SCN9A: variants seen among roughly 807,000 people sequenced by gnomAD.
The protein encoded by SCN9A is sodium voltage-gated channel alpha subunit 9, also known as sodium channel protein type 9 subunit alpha.
Under a neutral mutation model 187.0 loss-of-function variants are expected in SCN9A, and 131 were observed. The ratio of observed to expected loss-of-function variants is 0.70; its 90% confidence interval spans 0.61 to 0.81. The LOEUF is 0.81. SCN9A is among the 30% of genes least tolerant of loss of function. SCN9A has a pLI of 0.00. For synonymous variants in SCN9A, 809 were observed against 808.6 expected, an observed-to-expected ratio of 1.00 and a Z score of -0.01; for missense variants, 2,252 against 2,396.6, an observed-to-expected ratio of 0.94 and a Z score of 1.26.
chr2:166,199,993 T>A lies in SCN9A; in HGVS notation c.4775-129A>T. 8.3e-6 allele frequency: 4 copies of A among 481,692 alleles called. No homozygotes were observed. The African/African-American group carries it at 1.4e-4, about 17-fold the overall frequency. 29.8% of individuals were successfully genotyped at this position (481,692 alleles called of 1,614,324 possible). A position where few individuals can be genotyped will look rare whatever the true frequency, so the allele number is the denominator to read the frequency against. On this transcript the variant is annotated intron_variant, in intron 26 of 26. Coordinates refer to ENST00000642356, the MANE Select transcript of SCN9A (RefSeq NM_001365536.1). The stretch of plus-strand genomic sequence containing the variant: ...CAAGACAGTTTTTTTTTTTTTTTTT[T>A]TTTTTTTTTTTTTTTTTTTTTTGAG...
chr2:166,209,035 A>G (rs1391887604), intron 24 of SCN9A, among the ~76,000 whole-genome samples: 1 of 152,204 alleles, frequency 6.6e-6, no homozygotes, highest in Non-Finnish European at 1.5e-5. Context: ...CACTGAAAGA[A>G]CCAGTATGAT....
chr2:166,216,734 G>T (rs1026509225), intron 24 of SCN9A, among the ~76,000 whole-genome samples: 4 of 151,900 alleles, frequency 2.6e-5, no homozygotes, highest in African/African-American at 9.7e-5. Context: ...AAAAACTGAG[G>T]AAGACACAAA....
At chr2:166,199,942 A>T in intron 26 of SCN9A, 78 bp from the exon 27 acceptor site, 1 of 638,874 alleles carries the variant, frequency 1.6e-6, no homozygotes, top group African/African-American at 2.3e-5. Flanking sequence ...AAACAGTTTT[A>T]TCTGTCAACT....
chr2:166,205,518 G>A (rs1238673566), intron 24 of SCN9A, among the ~76,000 whole-genome samples: 2 of 152,016 alleles, frequency 1.3e-5, no homozygotes, highest in African/African-American at 4.8e-5. Context: ...AACTCAAGAT[G>A]GATTAAAGAC....
chr2:166,310,593 C>T (rs1354196186), intron 2 of SCN9A, among the ~76,000 whole-genome samples: 1 of 101,488 alleles, frequency 9.9e-6, no homozygotes, highest in East Asian at 2.4e-4. Flanking sequence ...ATTAAAAAGT[C>T]AGGAAACAAC....
At chr2:166,242,328 G>C (rs146578725) in intron 19 of SCN9A, among the ~76,000 whole-genome samples, 174 bp downstream of exon 19, 95 of 152,122 alleles carry the variant, frequency 6.2e-4, no homozygotes, top group Non-Finnish European at 9.6e-4. Context: ...ATAATGCCTG[G>C]CATGTAGGAG....
At chr2:166,239,930 C>T (rs912765309) in intron 19 of SCN9A, among the ~76,000 whole-genome samples, 2 of 152,146 alleles carry the variant, frequency 1.3e-5, no homozygotes, top group African/African-American at 4.8e-5. Flanking sequence ...CAAGAATGAC[C>T]TTATGTGAGC....
intron 7 of SCN9A, chr2:166,302,648 A>G (rs893695824): frequency 6.6e-6 from 1 of 150,452 alleles, no homozygotes; most frequent in African/African-American, 2.4e-5. Flanking sequence ...GAACTTTAAG[A>G]TGTTATAGTT....
chr2:166,334,019 C>T (rs978685446), intron 1 of SCN9A, among the ~76,000 whole-genome samples: 19 of 151,970 alleles, frequency 1.3e-4, no homozygotes, highest in Non-Finnish European at 2.9e-5. Flanking sequence ...ATTGCATAAT[C>T]CTATTGCTAA....
intron 1 of SCN9A, among the ~76,000 whole-genome samples, chr2:166,332,935 T>C (rs1274884949): frequency 6.6e-6 from 1 of 151,464 alleles, no homozygotes; most frequent in Non-Finnish European, 1.5e-5. Context: ...ATTTTAAAAT[T>C]AAATTTTCTT....
At chr2:166,325,557 G>A (rs1201017745) in intron 1 of SCN9A, among the ~76,000 whole-genome samples, 1 of 152,048 alleles carries the variant, frequency 6.6e-6, no homozygotes, top group Non-Finnish European at 1.5e-5. Flanking sequence ...ATACACTTAT[G>A]AGGGAATCTG....
intron 1 of SCN9A, among the ~76,000 whole-genome samples, chr2:166,369,124 C>T (rs905676915): frequency 5.3e-5 from 8 of 151,780 alleles, no homozygotes; most frequent in Admixed American, 1.3e-4. Flanking sequence ...AAACAAATTA[C>T]GATGTATATA....
At chr2:166,325,232 A>G (rs1699335533) in intron 1 of SCN9A, among the ~76,000 whole-genome samples, 1 of 152,164 alleles carries the variant, frequency 6.6e-6, no homozygotes, top group South Asian at 2.1e-4. Context: ...TATCTATATT[A>G]TCTATAATAT....
chr2:166,289,121 G>A (rs555589300), intron 9 of SCN9A, among the ~76,000 whole-genome samples: 31 of 147,696 alleles, frequency 2.1e-4, no homozygotes, highest in South Asian at 8.6e-4. Flanking sequence ...TTTTTTTTTC[G>A]CTTTCTTTGC....
At chr2:166,297,637 C>T (rs565560995) in intron 7 of SCN9A, among the ~76,000 whole-genome samples, 23 of 150,650 alleles carry the variant, frequency 1.5e-4, no homozygotes, top group East Asian at 3.9e-4. Flanking sequence ...TGACTACTAA[C>T]GGGCCCTGGG....
chr2:166,224,962 A>G (rs1694783120), intron 24 of SCN9A, among the ~76,000 whole-genome samples: 1 of 152,184 alleles, frequency 6.6e-6, no homozygotes, highest in African/African-American at 2.4e-5. Flanking sequence ...TATTTTACAC[A>G]GGATCTGACA....
chr2:166,305,329 T>C (rs570175462), intron 5 of SCN9A, among the ~76,000 whole-genome samples: 1 of 152,098 alleles, frequency 6.6e-6, no homozygotes, highest in Non-Finnish European at 1.5e-5. Context: ...GCATTAATCT[T>C]AGGCTTAGTA....
chr2:166,257,124 C>G (rs1229865999), intron 17 of SCN9A, among the ~76,000 whole-genome samples: 3 of 151,548 alleles, frequency 2.0e-5, no homozygotes, highest in Admixed American at 1.3e-4. Flanking sequence ...TGTCACAGAA[C>G]TGCTACACTG....
At chr2:166,268,411 A>C (rs1696834623) in intron 17 of SCN9A, among the ~76,000 whole-genome samples, 1 of 151,886 alleles carries the variant, frequency 6.6e-6, no homozygotes, top group African/African-American at 2.4e-5. Flanking sequence ...AACCATCACT[A>C]TTTCAAAGGC....
Sources: allele counts gnomAD v4.1 joint callset (sites outside exome capture counted in the v4.1 genomes callset), GRCh38; gene constraint gnomAD v4.1.1; transcripts MANE v1.5; gene names NCBI Gene and HGNC (gene_info 2026-07-23, HGNC 2026-07-21).